ZNF724: variants seen among roughly 807,000 people sequenced by gnomAD.
ZNF724 encodes the protein zinc finger protein 724, also known as zinc finger protein 724 pseudogene.
Under a neutral mutation model 29.3 loss-of-function variants are expected in ZNF724, and 14 were observed. The ratio of observed to expected loss-of-function variants is 0.48; its 90% CI spans 0.32 to 0.75. The LOEUF (loss-of-function observed/expected upper bound fraction) is 0.75, where lower values mean the gene tolerates loss of function less well. Among genes scored for constraint, ZNF724 ranks in the 30% least tolerant of loss-of-function variants. The pLI is 0.04. For missense variants in ZNF724, 557 were observed against 571.2 expected, an observed-to-expected ratio of 0.98 and a Z score of 0.25; for synonymous variants, 180 against 193.6, an observed-to-expected ratio of 0.93 and a Z score of 0.58.
intron 3 of ZNF724, among the ~76,000 whole-genome samples, chr19:23,227,560 A>AAAAAAAAAAC (rs1971857578): frequency 2.7e-5 from 3 of 111,098 alleles, no homozygotes; most frequent in Non-Finnish European, 2.1e-5. Flanking sequence ...CATCTCAAAA[A>AAAAAAAAAAC]AAAAAAAAAA....
chr19:23,250,057 G>A (rs1388626593), intron 1 of ZNF724, among the ~76,000 whole-genome samples, 183 bp downstream of exon 1: 1 of 152,130 alleles, frequency 6.6e-6, no homozygotes, highest in African/African-American at 2.4e-5. Flanking sequence ...ACGCCCGGGG[G>A]CCGGCTGTCA....
At chr19:23,224,227 C>A (rs1013649954) in intron 3 of ZNF724, among the ~76,000 whole-genome samples, 5 of 151,980 alleles carry the variant, frequency 3.3e-5, no homozygotes, top group African/African-American at 9.7e-5. Context: ...GTCTGGCCAA[C>A]TGGTGAGACC....
intron 3 of ZNF724, 47 bp from the exon 4 acceptor site, chr19:23,224,065 T>TA: frequency 1.6e-6 from 1 of 607,714 alleles, no homozygotes; most frequent in Non-Finnish European, 2.9e-6. Context: ...TAGACTCAGA[T>TA]ACATATTCTT....
chr19:23,228,920 C>T (rs979207729), intron 3 of ZNF724, among the ~76,000 whole-genome samples: 7 of 151,292 alleles, frequency 4.6e-5, no homozygotes, highest in Admixed American at 2.0e-4. Context: ...AAAAATTTTC[C>T]GGGCATGGTG....
chr19:23,247,795 C>G (rs1391982592), intron 1 of ZNF724, among the ~76,000 whole-genome samples: 1 of 152,154 alleles, frequency 6.6e-6, no homozygotes, highest in Non-Finnish European at 1.5e-5. Flanking sequence ...TGGAAAATGG[C>G]TTGGATAAAA....
intron 1 of ZNF724, among the ~76,000 whole-genome samples, chr19:23,237,710 C>A (rs1049317773): frequency 2.9e-5 from 3 of 103,648 alleles, no homozygotes; most frequent in Non-Finnish European, 3.8e-5. Context: ...AGAGCAAGAA[C>A]CCGTCTTAAA....
chr19:23,222,531 T>G lies in ZNF724; in HGVS notation c.1714A>C (p.Asn572His). 1 of 1,355,890 alleles carries G rather than the reference T, an allele frequency of 7.4e-7. No homozygotes were observed. Among genetic ancestry groups the G allele is most frequent in the Non-Finnish European group, 1.1e-6 (1 of 946,690 alleles). 84.0% of individuals were successfully genotyped at this position (1,355,890 alleles called of 1,614,324 possible). Residue 572 changes from asparagine (N) to histidine (H), a missense_variant, in exon 4 of 4, where the codon AAT (asparagine) becomes CAT (histidine). Physicochemically the swap from Asn to His is moderately conservative, Grantham distance 68. This residue lies in a region of ZNF724 where 170 missense variants were observed against 220.7 expected (regional missense o/e 0.77). Transcript: ENST00000418100. ...TGTTTAGTCAGAGTTGAGGACCAAT[T>G]AAAGGCTTTGCCACATTCTTCACAT... ...YKCEECGKAF[N>H]WSSTLTKHKV...
At chr19:23,239,878 TCTGAA>T (rs1972088994) in intron 1 of ZNF724, among the ~76,000 whole-genome samples, 1 of 147,212 alleles carries the variant, frequency 6.8e-6, no homozygotes, top group African/African-American at 2.7e-5. Flanking sequence ...CAAAATTAGA[TCTGAA>T]CTGAAGGAGA....
rs765993454 is a variant in ZNF724 at position 23,238,245 on chromosome 19, G to C, written c.4-5952C>G. Among the ~76,000 whole-genome samples, 15 of 152,176 alleles carry C rather than the reference G, an allele frequency of 9.9e-5. 1 individual carries two copies. Among genetic ancestry groups the C allele is most frequent in the Non-Finnish European group, 1.6e-4 (11 of 68,008 alleles). ...CCGCATGTGGTGGTGGGCGCCTGTA[G>C]TACCAGCTGCTTGGGAGGCTGAGGC... On this transcript the variant is annotated intron_variant, in intron 1 of 3. Transcript: ENST00000418100.
At position 23,223,523 on chromosome 19, in the gene ZNF724, A is replaced by G. The variant is rs1400925810; in HGVS notation, c.722T>C (p.Leu241Pro). 2 of 743,706 alleles carry G rather than the reference A, an allele frequency of 2.7e-6. No individual in the cohort carries two copies. Among genetic ancestry groups the G allele is most frequent in the South Asian group, 2.8e-5 (2 of 71,070 alleles). 46.1% of individuals were successfully genotyped at this position (743,706 alleles called of 1,614,324 possible). The change falls in exon 4 of 4, where the codon CTT becomes CCT. Residue 241 changes from leucine to proline, a missense_variant. By Grantham distance (98) the Leu-to-Pro change is moderately conservative (BLOSUM62 -3). Transcript: ENST00000418100. ...AGTATGAATTATCTTATGTGTGTTA[A>G]GGTGTGAGGACTTGTTAAAGGCTAT... is the stretch of plus-strand genomic sequence containing the variant. Reference protein sequence around the residue: ...CGIAFNKSSHLNTHKIIHTGE... With the variant: ...CGIAFNKSSHPNTHKIIHTGE...
chr19:23,227,699 G>A (rs886338236), intron 3 of ZNF724, among the ~76,000 whole-genome samples: 4 of 151,826 alleles, frequency 2.6e-5, no homozygotes, highest in Non-Finnish European at 4.4e-5. Context: ...TTTAGATATA[G>A]TCTGAAGAAA....
Position 23,222,751 on chromosome 19 carries a change from T to G in ZNF724, c.1494A>C (p.Lys498Asn), listed in dbSNP as rs946504460. ...TGTAGGGTTTCTCTCCAGTATGAATTTTCTTATGTGTTGTAAGGTGTGAGG... is the reference window on the plus strand; with the variant it reads ...TGTAGGGTTTCTCTCCAGTATGAATGTTCTTATGTGTTGTAAGGTGTGAGG... ...NLSSHLTTHK[K>N]IHTGEKPYKC... Residue 498 changes from lysine (K) to asparagine (N), a missense_variant, in exon 4 of 4, where the codon AAA becomes AAC. Coordinates refer to ENST00000418100, the MANE Select transcript of ZNF724 (RefSeq NM_001355404.2). The G allele has an allele frequency of 1.4e-5, 20 of 1,407,058 alleles. No homozygotes were observed. Among genetic ancestry groups the G allele is most frequent in the Non-Finnish European group, 2.0e-5 (20 of 1,000,244 alleles). 87.2% of individuals were successfully genotyped at this position (1,407,058 alleles called of 1,614,324 possible). A position where few individuals can be genotyped will look rare whatever the true frequency, so the allele number is the denominator to read the frequency against.
intron 1 of ZNF724, among the ~76,000 whole-genome samples, chr19:23,246,961 G>A (rs1230615365): frequency 1.3e-5 from 2 of 152,022 alleles, no homozygotes; most frequent in East Asian, 3.9e-4. Context: ...GGTGACTCAC[G>A]CCTGTAATCC....
intron 1 of ZNF724, among the ~76,000 whole-genome samples, chr19:23,240,857 C>A (rs1445461700): frequency 6.6e-5 from 10 of 151,768 alleles, no homozygotes; most frequent in Admixed American, 4.6e-4. Context: ...CATGGTGAAA[C>A]CCTGTATCTA....
chr19:23,238,633 G>A (rs962542174), intron 1 of ZNF724, among the ~76,000 whole-genome samples: 4 of 151,934 alleles, frequency 2.6e-5, no homozygotes, highest in South Asian at 2.1e-4. Context: ...GCCAAATCTC[G>A]ACCAGGCATG....
chr19:23,246,005 A>G (rs550676288), intron 1 of ZNF724, among the ~76,000 whole-genome samples: 1 of 152,062 alleles, frequency 6.6e-6, no homozygotes, highest in Non-Finnish European at 1.5e-5. Flanking sequence ...AGGCTAGGAA[A>G]TCTGCAGGGG....
intron 1 of ZNF724, among the ~76,000 whole-genome samples, chr19:23,249,578 C>T (rs1420491002): frequency 1.3e-5 from 2 of 152,058 alleles, no homozygotes; most frequent in African/African-American, 4.8e-5. Flanking sequence ...TTTTGTATTT[C>T]TAGTAGAAAC....
intron 1 of ZNF724, among the ~76,000 whole-genome samples, chr19:23,247,946 A>G (rs1433383342): frequency 6.6e-6 from 1 of 152,168 alleles, no homozygotes; most frequent in Non-Finnish European, 1.5e-5. Flanking sequence ...ATGACCCAAG[A>G]GCTGATATTA....
intron 3 of ZNF724, among the ~76,000 whole-genome samples, chr19:23,228,587 T>G (rs1043756976): frequency 6.6e-6 from 1 of 151,540 alleles, no homozygotes; most frequent in African/African-American, 2.4e-5. Flanking sequence ...AAACCCTGTC[T>G]CTACTAAAAA....
Sources: allele counts gnomAD v4.1 joint callset (sites outside exome capture counted in the v4.1 genomes callset), GRCh38; gene constraint gnomAD v4.1.1; regional missense constraint gnomAD v4.1.1; transcripts MANE v1.5; gene names NCBI Gene and HGNC (gene_info 2026-07-23, HGNC 2026-07-21).